Variants in AGMO observed in about 807,000 individuals in gnomAD.
The protein encoded by AGMO is glyceryl-ether monooxygenase.
AGMO carries 75 observed loss-of-function variants against 60.2 expected under a neutral mutation model. That is an observed-to-expected ratio of 1.25 (90% CI 1.03 to 1.51). The LOEUF (loss-of-function observed/expected upper bound fraction) is 1.51, where lower values mean the gene tolerates loss of function less well. AGMO is among the 40% of genes most tolerant of loss of function. The pLI is 0.00. For synonymous variants in AGMO, 261 were observed against 177.1 expected (o/e 1.47, Z -3.76); for missense variants, 763 against 525.5 (o/e 1.45, Z -4.42).
At chr7:15,337,603 C>G (rs1781703155) in intron 12 of AGMO, among the ~76,000 whole-genome samples, 1 of 152,136 alleles carries the variant, frequency 6.6e-6, no homozygotes, top group Admixed American at 6.6e-5. Flanking sequence ...GAGGTCATTA[C>G]AATTCTGCCT....
At chr7:15,190,308 T>G in the AGMO span, among the ~76,000 whole-genome samples, 1 of 150,528 alleles carries the variant, frequency 6.6e-6, no homozygotes. Context: ...AGGAACTACC[T>G]GAGATTCTTT....
intron 3 of AGMO, among the ~76,000 whole-genome samples, chr7:15,432,379 T>TATACAC (rs373845365): frequency 5.8e-4 from 79 of 136,164 alleles, no homozygotes; most frequent in Non-Finnish European, 2.2e-4. Flanking sequence ...CATATATATA[T>TATACAC]ACACTATCTG....
At chr7:15,219,334 T>C (rs931928038) in intron 12 of AGMO, among the ~76,000 whole-genome samples, 7 of 152,096 alleles carry the variant, frequency 4.6e-5, no homozygotes, top group Non-Finnish European at 7.4e-5. Flanking sequence ...TGGAGCACAG[T>C]AGTTGTTCAA....
intron 5 of AGMO, among the ~76,000 whole-genome samples, chr7:15,399,254 A>C (rs952271255): frequency 6.6e-6 from 1 of 152,032 alleles, no homozygotes; most frequent in Non-Finnish European, 1.5e-5. Flanking sequence ...TTTTAGATGA[A>C]ATTTTATAAA....
intron 12 of AGMO, among the ~76,000 whole-genome samples, chr7:15,249,534 C>T (rs1215838398): frequency 1.3e-5 from 2 of 152,092 alleles, no homozygotes; most frequent in Admixed American, 6.6e-5. Context: ...TTAATCAGGG[C>T]AGAAGGATAT....
intron 12 of AGMO, among the ~76,000 whole-genome samples, chr7:15,264,683 C>T (rs760984028): frequency 3.9e-5 from 6 of 151,998 alleles, no homozygotes; most frequent in Non-Finnish European, 8.8e-5. Context: ...TGAAAAAGTG[C>T]TTAACACCAC....
At chr7:15,338,035 G>C (rs1016332925) in intron 12 of AGMO, among the ~76,000 whole-genome samples, 14 of 152,152 alleles carry the variant, frequency 9.2e-5, no homozygotes, top group African/African-American at 2.7e-4. Flanking sequence ...CAGGTGGAAA[G>C]GAATGTTTTA....
At chr7:15,170,790 C>T in the AGMO span, among the ~76,000 whole-genome samples, 1 of 152,086 alleles carries the variant, frequency 6.6e-6, no homozygotes, top group African/African-American at 2.4e-5. Context: ...CAGACAGATA[C>T]ATTCTATGTA....
chr7:15,424,111 C>A (rs938491481), intron 4 of AGMO, among the ~76,000 whole-genome samples: 2 of 152,104 alleles, frequency 1.3e-5, no homozygotes, highest in African/African-American at 4.8e-5. Context: ...TTGCTTCAAG[C>A]TTTATTTCTT....
intron 3 of AGMO, among the ~76,000 whole-genome samples, chr7:15,459,842 G>A (rs933410180): frequency 2.0e-5 from 3 of 152,078 alleles, no homozygotes; most frequent in African/African-American, 7.2e-5. Flanking sequence ...GTTTAAGATA[G>A]AGGTCGCCTC....
intron 12 of AGMO, 134 bp downstream of exon 12, chr7:15,365,380 T>TTAAAAAAAAAAA: frequency 4.6e-6 from 1 of 215,438 alleles, no homozygotes; most frequent in Non-Finnish European, 7.7e-6. Flanking sequence ...TACTGGTAAG[T>TTAAAAAAAAAAA]AAAAAAAAAA....
chr7:15,397,368 C>T (rs1481598985), intron 5 of AGMO, among the ~76,000 whole-genome samples: 1 of 151,886 alleles, frequency 6.6e-6, no homozygotes. Context: ...GCAGCCCCGG[C>T]TCCCGCACCT....
chr7:15,350,853 T>C (rs915385800), intron 12 of AGMO, among the ~76,000 whole-genome samples: 2 of 152,198 alleles, frequency 1.3e-5, no homozygotes, highest in East Asian at 1.9e-4. Flanking sequence ...GCTGAGCATA[T>C]GGAGAACATT....
At chr7:15,181,512 T>C in the AGMO span, among the ~76,000 whole-genome samples, 1 of 152,314 alleles carries the variant, frequency 6.6e-6, no homozygotes, top group Non-Finnish European at 1.5e-5. Flanking sequence ...ATCATTTCCC[T>C]CTTATTCTAC....
chr7:15,231,593 C>T (rs982198280), intron 12 of AGMO, among the ~76,000 whole-genome samples: 4 of 152,188 alleles, frequency 2.6e-5, no homozygotes, highest in Non-Finnish European at 4.4e-5. Flanking sequence ...AATAGCTTTG[C>T]ATAATGAATG....
intron 12 of AGMO, among the ~76,000 whole-genome samples, chr7:15,348,375 G>T (rs986017868): frequency 1.3e-5 from 2 of 152,000 alleles, no homozygotes; most frequent in African/African-American, 4.8e-5. Context: ...AATGATCGAT[G>T]AAACTGTTTA....
intron 3 of AGMO, among the ~76,000 whole-genome samples, chr7:15,464,543 C>T (rs138002259): frequency 6.6e-6 from 1 of 152,128 alleles, no homozygotes; most frequent in Non-Finnish European, 1.5e-5. Context: ...TCCTCCACAA[C>T]CCATGAAGAC....
At chr7:15,339,067 G>A (rs747896584) in intron 12 of AGMO, among the ~76,000 whole-genome samples, 3 of 152,152 alleles carry the variant, frequency 2.0e-5, no homozygotes, top group Non-Finnish European at 4.4e-5. Flanking sequence ...TGTAGTAGCG[G>A]AACTGCAAGC....
chr7:15,138,892 G>A, the AGMO span, among the ~76,000 whole-genome samples: 72,364 of 151,910 alleles, frequency 0.48, 17,403 homozygotes, highest in East Asian at 0.66. Flanking sequence ...ATTGGGTAGT[G>A]TTTGACACAT....
Sources: gnomAD v4.1 joint callset for allele counts (sites outside exome capture counted in the v4.1 genomes callset) on GRCh38, gnomAD v4.1.1 for gene constraint, MANE v1.5 for transcripts, NCBI Gene and HGNC (gene_info 2026-07-23, HGNC 2026-07-21) for gene names.